Variants in FALEC observed in about 807,000 individuals in gnomAD.
FALEC encodes focally amplified lncRNA on chromosome 1.
the FALEC span, among the ~76,000 whole-genome samples, chr1:150,526,246 A>C: frequency 6.6e-6 from 1 of 150,798 alleles, no homozygotes; most frequent in Non-Finnish European, 1.5e-5. Flanking sequence ...GCTACTCAGG[A>C]GGCCAAGGCA....
At chr1:150,529,726 T>A in the FALEC span, among the ~76,000 whole-genome samples, 1 of 151,784 alleles carries the variant, frequency 6.6e-6, no homozygotes, top group African/African-American at 2.4e-5. Context: ...GTCTCCCGAG[T>A]AGCTGGGACT....
chr1:150,529,049 C>G, the FALEC span, among the ~76,000 whole-genome samples: 2 of 81,898 alleles, frequency 2.4e-5, no homozygotes, highest in East Asian at 2.8e-4. Flanking sequence ...ATCAAAGGAT[C>G]TAGAGCACAG....
At chr1:150,522,933 A>ATGTG (rs1174772010), downstream of FALEC, among the ~76,000 whole-genome samples, 16 of 18,360 alleles carry the variant, frequency 8.7e-4, no homozygotes, top group Non-Finnish European at 1.0e-3. Context: ...ATACATATAT[A>ATGTG]TGTGTGTGTG....
chr1:150,517,165 C>T (rs1045720861), intron 1 of FALEC, among the ~76,000 whole-genome samples: 2 of 151,998 alleles, frequency 1.3e-5, no homozygotes, highest in African/African-American at 2.4e-5. Flanking sequence ...GGCATGATGG[C>T]GCATGCCTCT....
the FALEC span, among the ~76,000 whole-genome samples, chr1:150,530,281 C>T: frequency 1.8e-4 from 27 of 152,254 alleles, 2 homozygotes; most frequent in East Asian, 1.9e-3. Flanking sequence ...TACTTAGTAA[C>T]GGCTGGGTAC....
At chr1:150,523,037 G>C in the FALEC span, among the ~76,000 whole-genome samples, 2 of 122,472 alleles carry the variant, frequency 1.6e-5, no homozygotes, top group Non-Finnish European at 3.3e-5. Flanking sequence ...AGGCTGGATG[G>C]AGTGCAGTGG....
the FALEC span, among the ~76,000 whole-genome samples, chr1:150,534,997 T>A: frequency 1.3e-5 from 2 of 152,150 alleles, no homozygotes; most frequent in Non-Finnish European, 2.9e-5. Context: ...CCCAGTAATC[T>A]GGGTCCACGA....
At chr1:150,522,983 A>AT (rs1174052488), downstream of FALEC, among the ~76,000 whole-genome samples, 20 of 15,918 alleles carry the variant, frequency 1.3e-3, no homozygotes, top group South Asian at 3.5e-3. Context: ...ATATATATAT[A>AT]TTTTTTTTTT....
downstream of FALEC, among the ~76,000 whole-genome samples, chr1:150,521,459 T>C (rs1379200443): frequency 2.2e-4 from 33 of 152,212 alleles, no homozygotes; most frequent in Non-Finnish European, 2.9e-5. Context: ...CATTTCTGTG[T>C]TTATAAATGA....
At chr1:150,526,662 C>T in the FALEC span, among the ~76,000 whole-genome samples, 46 of 151,778 alleles carry the variant, frequency 3.0e-4, no homozygotes, top group African/African-American at 1.0e-3. Flanking sequence ...GAGGCGGAGT[C>T]TCACTCTGTC....
chr1:150,522,317 C>A (rs1670653559), downstream of FALEC, among the ~76,000 whole-genome samples: 1 of 151,528 alleles, frequency 6.6e-6, no homozygotes, highest in Middle Eastern at 3.2e-3. Flanking sequence ...CAGTGACTTT[C>A]CAGCTTAGAA....
the FALEC span, among the ~76,000 whole-genome samples, chr1:150,528,170 G>T: frequency 2.0e-5 from 3 of 152,244 alleles, no homozygotes; most frequent in East Asian, 5.8e-4. Flanking sequence ...TTATAAAAGA[G>T]AGCTGTTGAG....
At chr1:150,515,878 A>C (rs1670561635) in exon 1 of FALEC, 1 of 152,232 alleles carries the variant, frequency 6.6e-6, no homozygotes, top group African/African-American at 2.4e-5. Context: ...GCCCCAGCCC[A>C]CGGGGAGCGG....
chr1:150,519,971 G>A (rs1358410301), downstream of FALEC, among the ~76,000 whole-genome samples: 1 of 152,084 alleles, frequency 6.6e-6, no homozygotes, highest in Non-Finnish European at 1.5e-5. Context: ...TGACCATGGA[G>A]AAACCTCATC....
At chr1:150,536,273 A>G in the FALEC span, among the ~76,000 whole-genome samples, 75 of 152,348 alleles carry the variant, frequency 4.9e-4, no homozygotes, top group African/African-American at 1.8e-3. Flanking sequence ...ACTGTCATCC[A>G]TGTAAGAGCA....
the FALEC span, among the ~76,000 whole-genome samples, chr1:150,534,893 G>T: frequency 7.3e-5 from 11 of 151,630 alleles, no homozygotes; most frequent in African/African-American, 2.7e-4. Context: ...ATCTTGGCTG[G>T]AATTGACTTT....
the FALEC span, among the ~76,000 whole-genome samples, chr1:150,530,301 G>A: frequency 3.3e-5 from 5 of 152,158 alleles, no homozygotes; most frequent in East Asian, 7.7e-4. Flanking sequence ...CTTACTAATA[G>A]GACGCACATT....
chr1:150,520,783 C>CTTTTTTTTTTTTTTTTTT (rs71086518), downstream of FALEC, among the ~76,000 whole-genome samples: 4 of 42,822 alleles, frequency 9.3e-5, no homozygotes, highest in Admixed American at 3.8e-4. Flanking sequence ...CTTTTCTTTT[C>CTTTTTTTTTTTTTTTTTT]TTTTTTTTTT....
At chr1:150,520,852 G>A (rs767602989), downstream of FALEC, among the ~76,000 whole-genome samples, 4 of 131,350 alleles carry the variant, frequency 3.0e-5, no homozygotes, top group African/African-American at 1.2e-4. Context: ...AGAGTGCAGT[G>A]GTGCAATCTT....
Sources: gnomAD v4.1 joint callset for allele counts (sites outside exome capture counted in the v4.1 genomes callset) on GRCh38, gnomAD v4.1.1 for gene constraint, MANE v1.5 for transcripts, NCBI Gene and HGNC (gene_info 2026-07-23, HGNC 2026-07-21) for gene names.